ITPK1: variants seen among roughly 807,000 people sequenced by gnomAD.
ITPK1 encodes inositol-tetrakisphosphate 1-kinase.
Under a neutral mutation model 45.3 loss-of-function variants are expected in ITPK1, and 21 were observed. The observed-to-expected ratio is 0.46, with a 90% confidence interval of 0.33 to 0.67. ITPK1 has a LOEUF of 0.67. Among genes scored for constraint, ITPK1 ranks in the 30% least tolerant of loss-of-function variants. The probability of loss-of-function intolerance (pLI) is 0.02; values close to 1 mark genes in which losing one functional copy is unlikely to be tolerated. For missense variants in ITPK1, 474 were observed against 573.5 expected (o/e 0.83, Z 1.77); for synonymous variants, 258 against 253.6 (o/e 1.02, Z -0.16).
intron 3 of ITPK1, among the ~76,000 whole-genome samples, chr14:93,026,227 T>C (rs1888722289): frequency 6.6e-6 from 1 of 152,266 alleles, no homozygotes; most frequent in Non-Finnish European, 1.5e-5. Flanking sequence ...CCACGTATTA[T>C]ATTTGCAGCT....
intron 3 of ITPK1, among the ~76,000 whole-genome samples, chr14:93,041,426 ATG>A (rs1889556818): frequency 6.6e-6 from 1 of 152,204 alleles, no homozygotes; most frequent in South Asian, 2.1e-4. Flanking sequence ...AGGTTCTGGG[ATG>A]TGAGCACCAG....
chr14:93,019,774 G>C (rs1888374879), intron 3 of ITPK1, among the ~76,000 whole-genome samples: 1 of 152,152 alleles, frequency 6.6e-6, no homozygotes, highest in South Asian at 2.1e-4. Context: ...CCTGAGACTG[G>C]GGAGGCCACG....
chr14:92,944,999 C>T (rs775948033), intron 10 of ITPK1, among the ~76,000 whole-genome samples: 2 of 152,238 alleles, frequency 1.3e-5, no homozygotes, highest in Non-Finnish European at 2.9e-5. Context: ...CGCAGCTGCA[C>T]CTGCTGTAGC....
intron 3 of ITPK1, among the ~76,000 whole-genome samples, chr14:93,018,199 GCCCCCA>G (rs1186141847): frequency 6.6e-6 from 1 of 152,018 alleles, no homozygotes; most frequent in Non-Finnish European, 1.5e-5. Flanking sequence ...GCATCCTCAC[GCCCCCA>G]CCCCCTGCCA....
chr14:92,983,038 G>A (rs1162162811), intron 5 of ITPK1, among the ~76,000 whole-genome samples: 1 of 152,218 alleles, frequency 6.6e-6, no homozygotes, highest in Non-Finnish European at 1.5e-5. Context: ...GGGAAGAGCA[G>A]GTTTCCTCCC....
intron 3 of ITPK1, among the ~76,000 whole-genome samples, chr14:93,043,773 C>T (rs1566752655): frequency 6.6e-6 from 1 of 152,224 alleles, no homozygotes; most frequent in Non-Finnish European, 1.5e-5. Context: ...TCTCCTTCCC[C>T]TCATTGGTGG....
rs146490770 is a variant in ITPK1 at position 93,114,007 on chromosome 14, C to G, written c.95+1062G>C. Among the ~76,000 whole-genome samples the G allele has an allele frequency of 7.3e-3, 1,112 of 152,294 alleles. 16 individuals carry two copies. Among genetic ancestry groups the G allele is most frequent in the African/African-American group, 0.025 (1,057 of 41,564 alleles). On this transcript the variant is annotated intron_variant, in intron 2 of 10. Coordinates refer to ENST00000267615, the MANE Select transcript of ITPK1 (RefSeq NM_014216.6). The stretch of plus-strand genomic sequence containing the variant: ...GGGCCCCCAGGAGCACCAGGGGTTA[C>G]GGAAACCCAACTGTTCAATTCTCCA...
rs982889891 is a variant in ITPK1, at chr14:92,943,473, C to T, written c.902-1569G>A. On this transcript the variant is annotated intron_variant, in intron 10 of 10. Transcript: ENST00000267615. The stretch of plus-strand genomic sequence containing the variant: ...CCACCATAGGACCCGGGGTGTCCGT[C>T]GGCCCTGGGCTAGGCCTGGAGGGCA... Among the ~76,000 whole-genome samples the T allele has an allele frequency of 5.3e-5, 8 of 152,214 alleles. No homozygotes were observed. The South Asian group carries it at 1.0e-3, about 20-fold the overall frequency.
intron 2 of ITPK1, among the ~76,000 whole-genome samples, chr14:93,083,157 C>A (rs1397619115): frequency 6.6e-6 from 1 of 152,114 alleles, no homozygotes; most frequent in Non-Finnish European, 1.5e-5. Flanking sequence ...TCCACGGCAT[C>A]CACGCCACCA....
At chr14:93,009,564 G>A (rs533425523) in intron 4 of ITPK1, among the ~76,000 whole-genome samples, 4 of 152,360 alleles carry the variant, frequency 2.6e-5, no homozygotes, top group East Asian at 1.9e-4. Context: ...CAGAAAGGGC[G>A]ATTCCTGGCC....
intron 7 of ITPK1, among the ~76,000 whole-genome samples, chr14:92,959,344 C>T (rs981068889): frequency 2.0e-5 from 3 of 152,206 alleles, no homozygotes; most frequent in South Asian, 2.1e-4. Flanking sequence ...TAATGGGCCC[C>T]GGAGAGCTGG....
At chr14:93,010,915 C>T (rs1333510422) in intron 4 of ITPK1, among the ~76,000 whole-genome samples, 2 of 151,890 alleles carry the variant, frequency 1.3e-5, no homozygotes, top group South Asian at 2.1e-4. Flanking sequence ...CTTACACACA[C>T]GTGCACCACT....
chr14:93,041,034 G>A (rs1227224687), intron 3 of ITPK1, among the ~76,000 whole-genome samples: 2 of 152,194 alleles, frequency 1.3e-5, no homozygotes, highest in African/African-American at 4.8e-5. Flanking sequence ...TCAATACAGA[G>A]TGTGGGGGGA....
intron 5 of ITPK1, among the ~76,000 whole-genome samples, chr14:92,989,306 C>T (rs761001078): frequency 8.5e-5 from 13 of 152,156 alleles, no homozygotes; most frequent in Non-Finnish European, 1.8e-4. Flanking sequence ...GGCCATCTGT[C>T]ACCCCCAGAG....
At chr14:92,992,702 G>T (rs1442113061) in intron 5 of ITPK1, among the ~76,000 whole-genome samples, 7 of 152,242 alleles carry the variant, frequency 4.6e-5, no homozygotes, top group Non-Finnish European at 8.8e-5. Context: ...TAGATCCAGG[G>T]CCCTCTGGCC....
At chr14:93,054,130 T>C (rs991260900) in intron 3 of ITPK1, among the ~76,000 whole-genome samples, 7 of 152,180 alleles carry the variant, frequency 4.6e-5, no homozygotes, top group Non-Finnish European at 1.0e-4. Flanking sequence ...AGTGCTAGCC[T>C]GGGATTCACC....
chr14:93,111,729 C>G lies in ITPK1; in HGVS notation c.95+3340G>C, dbSNP rs940119380. Among the ~76,000 whole-genome samples the G allele has an allele frequency of 2.8e-5, 4 of 141,862 alleles. No individual in the cohort carries two copies. The East Asian group carries it at 6.3e-4, about 22-fold the overall frequency. 93.1% of individuals were successfully genotyped at this position (141,862 alleles called of 152,430 possible). Reference sequence around the variant, plus strand: ...CCACCTCAAAAAAAAAAAAAAAAAGCCACAAAGAGGGGGTGGTGTGGGAGA... The same window carrying G: ...CCACCTCAAAAAAAAAAAAAAAAAGGCACAAAGAGGGGGTGGTGTGGGAGA... On this transcript the variant is annotated intron_variant, in intron 2 of 10. Transcript: ENST00000267615.
rs1887444208 is a variant in ITPK1, at chr14:92,941,922, A to T, written c.902-18T>A. 1.9e-6 allele frequency: 3 copies of T among 1,607,722 alleles called. No homozygotes were observed. The highest frequency in any genetic ancestry group is 2.5e-6 in the Non-Finnish European group (3 of 1,177,764). ...CTCGTAGCCTGGGGGTGGGAGAGAG[A>T]CAGCACAAGGGGCGTGAGCCAGGGG... On this transcript the variant is annotated intron_variant, in intron 10 of 10. Coordinates refer to ENST00000267615, the MANE Select transcript of ITPK1 (RefSeq NM_014216.6).
At chr14:93,051,621 A>C (rs1405160189) in intron 3 of ITPK1, among the ~76,000 whole-genome samples, 1 of 149,088 alleles carries the variant, frequency 6.7e-6, no homozygotes, top group Non-Finnish European at 1.5e-5. Flanking sequence ...TCTCAAAAGA[A>C]AAAAAAAAAA....
Sources: gnomAD v4.1 joint callset for allele counts (sites outside exome capture counted in the v4.1 genomes callset) on GRCh38, gnomAD v4.1.1 for gene constraint, MANE v1.5 for transcripts, NCBI Gene and HGNC (gene_info 2026-07-23, HGNC 2026-07-21) for gene names.